Variants in PRKD1 observed in about 807,000 individuals in gnomAD.
PRKD1 encodes the protein protein kinase D1.
Under a neutral mutation model 95.9 loss-of-function variants are expected in PRKD1, and 63 were observed. The observed-to-expected ratio is 0.66, with a 90% CI of 0.54 to 0.81. The LOEUF (loss-of-function observed/expected upper bound fraction) is 0.81, where lower values mean the gene tolerates loss of function less well. Ranked by LOEUF, PRKD1 falls within the 30% of genes least tolerant of loss-of-function variation. PRKD1 has a pLI of 0.00. For synonymous variants in PRKD1, 425 were observed against 423.1 expected (o/e 1.00, Z -0.05); for missense variants, 1,048 against 1,165.3 (o/e 0.90, Z 1.47).
intron 1 of PRKD1, among the ~76,000 whole-genome samples, chr14:29,750,616 G>GCGCACACACACACA (rs72239992): frequency 5.4e-5 from 8 of 148,374 alleles, no homozygotes; most frequent in African/African-American, 2.0e-4. Flanking sequence ...ATGAACGCGC[G>GCGCACACACACACA]CACACACACA....
chr14:29,747,299 T>C (rs1441196471), intron 1 of PRKD1, among the ~76,000 whole-genome samples: 1 of 152,122 alleles, frequency 6.6e-6, no homozygotes, highest in East Asian at 1.9e-4. Flanking sequence ...AAGGGGAAAG[T>C]AACAGGTATT....
chr14:29,690,774 T>C (rs1178759639), intron 2 of PRKD1, among the ~76,000 whole-genome samples: 1 of 152,196 alleles, frequency 6.6e-6, no homozygotes, highest in Non-Finnish European at 1.5e-5. Flanking sequence ...TTGTGACATG[T>C]ATGTGCACTC....
At chr14:29,703,658 A>G (rs961054915) in intron 2 of PRKD1, among the ~76,000 whole-genome samples, 2 of 152,198 alleles carry the variant, frequency 1.3e-5, no homozygotes, top group African/African-American at 4.8e-5. Flanking sequence ...ATTTACGTGT[A>G]TATCTTTTTT....
chr14:29,919,750 G>C (rs1265599672), intron 1 of PRKD1, among the ~76,000 whole-genome samples: 1 of 145,560 alleles, frequency 6.9e-6, no homozygotes, highest in African/African-American at 2.8e-5. Flanking sequence ...GTCATCACTT[G>C]AGCACAGGAG....
intron 2 of PRKD1, among the ~76,000 whole-genome samples, chr14:29,697,583 T>C (rs1884597600): frequency 6.6e-6 from 1 of 152,212 alleles, no homozygotes; most frequent in African/African-American, 2.4e-5. Context: ...CAAACATCTA[T>C]TTTATTAAAA....
intron 2 of PRKD1, among the ~76,000 whole-genome samples, chr14:29,710,838 A>G (rs1340998070): frequency 2.6e-5 from 4 of 152,152 alleles, no homozygotes; most frequent in African/African-American, 7.2e-5. Flanking sequence ...TTTGTTAAAA[A>G]AATATATATT....
At chr14:29,703,172 C>T (rs1452600802) in intron 2 of PRKD1, among the ~76,000 whole-genome samples, 1 of 152,108 alleles carries the variant, frequency 6.6e-6, no homozygotes, top group African/African-American at 2.4e-5. Flanking sequence ...AAGAAGCTTT[C>T]CTATTTAAAT....
intron 1 of PRKD1, among the ~76,000 whole-genome samples, chr14:29,805,938 C>T (rs1890214477): frequency 6.6e-6 from 1 of 151,960 alleles, no homozygotes; most frequent in Non-Finnish European, 1.5e-5. Context: ...TGAGAACAAG[C>T]CAGAGAAGGG....
intron 1 of PRKD1, among the ~76,000 whole-genome samples, chr14:29,887,092 C>T (rs1214899310): frequency 2.0e-5 from 3 of 152,138 alleles, no homozygotes; most frequent in Non-Finnish European, 4.4e-5. Flanking sequence ...CAAAATAAGA[C>T]TTATGCCTGC....
chr14:29,879,347 G>A (rs1374203957), intron 1 of PRKD1, among the ~76,000 whole-genome samples: 1 of 152,206 alleles, frequency 6.6e-6, no homozygotes, highest in Non-Finnish European at 1.5e-5. Context: ...TCTTGTGATA[G>A]TGAATACGTC....
chr14:29,619,370 C>G (rs895988787), intron 13 of PRKD1, among the ~76,000 whole-genome samples: 2 of 152,170 alleles, frequency 1.3e-5, no homozygotes, highest in Non-Finnish European at 2.9e-5. Flanking sequence ...TGGTTGGATA[C>G]TATGGATGTC....
intron 1 of PRKD1, among the ~76,000 whole-genome samples, chr14:29,781,390 C>A (rs1207864396): frequency 6.6e-6 from 1 of 152,186 alleles, no homozygotes; most frequent in African/African-American, 2.4e-5. Flanking sequence ...CTATCACTGA[C>A]AGTGACACAC....
intron 16 of PRKD1, among the ~76,000 whole-genome samples, chr14:29,589,480 T>C (rs1893050926): frequency 6.6e-6 from 1 of 152,236 alleles, no homozygotes; most frequent in Admixed American, 6.5e-5. Context: ...AGAATTCATT[T>C]GACCTTCACA....
At chr14:29,720,652 C>T (rs1221008150) in intron 2 of PRKD1, among the ~76,000 whole-genome samples, 2 of 151,688 alleles carry the variant, frequency 1.3e-5, no homozygotes, top group South Asian at 2.1e-4. Context: ...TGGTGGTGTG[C>T]GCCTGTAATC....
intron 1 of PRKD1, among the ~76,000 whole-genome samples, chr14:29,878,079 A>ATT (rs966866238): frequency 6.6e-6 from 1 of 152,156 alleles, no homozygotes; most frequent in Non-Finnish European, 1.5e-5. Context: ...GTTCTCACTT[A>ATT]TAAGTGGGAG....
chr14:29,783,829 T>C (rs1163898236), intron 1 of PRKD1, among the ~76,000 whole-genome samples: 2 of 152,196 alleles, frequency 1.3e-5, no homozygotes, highest in African/African-American at 4.8e-5. Context: ...AACTTTTAAA[T>C]GGGATTATTT....
At chr14:29,629,256 T>C (rs774837170) in intron 10 of PRKD1, among the ~76,000 whole-genome samples, 163 bp from the exon 11 acceptor site, 4 of 152,236 alleles carry the variant, frequency 2.6e-5, no homozygotes, top group Admixed American at 6.5e-5. Context: ...TTATTTCCTT[T>C]CAAAATTACA....
At chr14:29,666,836 C>T (rs1399246499) in intron 2 of PRKD1, among the ~76,000 whole-genome samples, 1 of 152,116 alleles carries the variant, frequency 6.6e-6, no homozygotes. Context: ...AATACATACG[C>T]TGGTGAACTG....
At chr14:29,905,260 C>T (rs138184226) in intron 1 of PRKD1, among the ~76,000 whole-genome samples, 422 of 152,274 alleles carry the variant, frequency 2.8e-3, no homozygotes, top group Non-Finnish European at 5.0e-3. Flanking sequence ...CACACTACAT[C>T]ATCAAGAGGG....
Sources: gnomAD v4.1 joint callset for allele counts (sites outside exome capture counted in the v4.1 genomes callset) on GRCh38, gnomAD v4.1.1 for gene constraint, MANE v1.5 for transcripts, NCBI Gene and HGNC (gene_info 2026-07-23, HGNC 2026-07-21) for gene names.